The following SYT16 variants were observed in gnomAD, a reference collection of about 807,000 sequenced individuals.
SYT16 encodes the protein synaptotagmin 16.
In SYT16, 42 loss-of-function variants were observed where a neutral mutation model predicts 61.4. The observed-to-expected ratio is 0.68, with a 90% confidence interval of 0.53 to 0.89. The LOEUF (loss-of-function observed/expected upper bound fraction) is 0.89. Ranked by LOEUF, SYT16 falls within the 40% of genes least tolerant of loss-of-function variation. The pLI, the probability that SYT16 is intolerant of heterozygous loss-of-function variation, is 0.00. For missense variants in SYT16, 804 were observed against 807.3 expected (o/e 1.00, Z 0.05); for synonymous variants, 314 against 302.3 (o/e 1.04, Z -0.40).
chr14:61,830,238 T>C (rs937864840), intron 1 of SYT16, among the ~76,000 whole-genome samples: 1 of 152,198 alleles, frequency 6.6e-6, no homozygotes, highest in African/African-American at 2.4e-5. Context: ...CTGTAGATTG[T>C]CTTGTCTTTA....
At chr14:61,921,536 A>C (rs1228400022) in intron 1 of SYT16, among the ~76,000 whole-genome samples, 1 of 152,148 alleles carries the variant, frequency 6.6e-6, no homozygotes. Flanking sequence ...TGTCTGCCCT[A>C]TCTATGTATT....
At chr14:61,857,952 C>G (rs1050017944) in intron 1 of SYT16, among the ~76,000 whole-genome samples, 5 of 151,840 alleles carry the variant, frequency 3.3e-5, no homozygotes, top group African/African-American at 1.2e-4. Flanking sequence ...CAGACAGCAT[C>G]AGTGGATAAA....
chr14:61,912,652 A>G (rs1384779926), intron 1 of SYT16, among the ~76,000 whole-genome samples: 4 of 152,322 alleles, frequency 2.6e-5, no homozygotes, highest in Admixed American at 6.5e-5. Context: ...GAGAAGATGT[A>G]TATTGACTCA....
intron 2 of SYT16, among the ~76,000 whole-genome samples, chr14:61,980,020 A>G (rs1249333048): frequency 2.0e-5 from 3 of 152,346 alleles, no homozygotes; most frequent in Middle Eastern, 3.4e-3. Flanking sequence ...TATCTTCTAC[A>G]TTCCCCAAGC....
chr14:61,934,596 C>T lies in SYT16; in HGVS notation c.-324-35536C>T, dbSNP rs147694599. ...ATAAGGAGATGACTAAGTTATTTCA[C>T]CACATTGAGATTTTATTGTGGTGAC... On this transcript the variant is annotated intron_variant, in intron 1 of 7. Transcript: ENST00000683842. Among the ~76,000 whole-genome samples the T allele has an allele frequency of 5.9e-5, 9 of 152,282 alleles. No individual in the cohort carries two copies. The South Asian group carries it at 1.7e-3, about 28-fold the overall frequency.
chr14:61,857,642 G>T (rs2046817929), intron 1 of SYT16, among the ~76,000 whole-genome samples: 1 of 152,132 alleles, frequency 6.6e-6, no homozygotes, highest in East Asian at 1.9e-4. Context: ...GGGAGCAAGA[G>T]ATTTTCTTCT....
chr14:62,093,591 A>G (rs1193801614), intron 7 of SYT16, among the ~76,000 whole-genome samples: 1 of 152,122 alleles, frequency 6.6e-6, no homozygotes, highest in Non-Finnish European at 1.5e-5. Context: ...GGCTTAGCTC[A>G]GGAATGCAAG....
intron 3 of SYT16, among the ~76,000 whole-genome samples, chr14:62,031,741 A>G (rs1265307886): frequency 6.6e-6 from 1 of 152,170 alleles, no homozygotes; most frequent in Non-Finnish European, 1.5e-5. Context: ...AAATTAAAAC[A>G]TCTAGGTAAG....
At chr14:62,093,294 A>G (rs538737997) in intron 7 of SYT16, among the ~76,000 whole-genome samples, 11 of 152,254 alleles carry the variant, frequency 7.2e-5, no homozygotes, top group East Asian at 1.9e-4. Flanking sequence ...AATTCAATAG[A>G]AAGCAGAGAA....
intron 1 of SYT16, among the ~76,000 whole-genome samples, chr14:61,947,675 T>G (rs966961954): frequency 6.6e-6 from 1 of 152,210 alleles, no homozygotes; most frequent in Non-Finnish European, 1.5e-5. Flanking sequence ...GATTAAGGCA[T>G]CAGGAATATG....
intron 1 of SYT16, among the ~76,000 whole-genome samples, chr14:61,934,091 G>A (rs906860574): frequency 3.3e-5 from 5 of 152,008 alleles, no homozygotes; most frequent in Non-Finnish European, 7.4e-5. Flanking sequence ...TACTTTTTCT[G>A]TATAAACTTT....
rs1449062391 is a variant in SYT16 at position 62,100,514 on chromosome 14, C to G, written c.1745C>G (p.Ala582Gly). The G allele has an allele frequency of 6.2e-7, 1 of 1,613,604 alleles. No homozygotes were observed. The highest frequency in any genetic ancestry group is 8.5e-7 in the Non-Finnish European group (1 of 1,179,804). ...VYKETFVFQVALFQLSDVTLM... is the reference protein window; with the variant it reads ...VYKETFVFQVGLFQLSDVTLM... ...AAGGAGACCTTTGTTTTCCAGGTGG[C>G]CCTCTTTCAGCTGTCTGATGTCACG... The change falls in exon 8 of 8, where the codon GCC becomes GGC. Residue 582 changes from alanine (A) to glycine (G), a missense_variant. By Grantham distance (60) the Ala-to-Gly change is moderately conservative (BLOSUM62 0). Coordinates refer to ENST00000683842, the MANE Select transcript of SYT16 (RefSeq NM_001367656.1).
chr14:61,882,786 A>T (rs1273616627), intron 1 of SYT16, among the ~76,000 whole-genome samples: 3 of 152,236 alleles, frequency 2.0e-5, no homozygotes, highest in Non-Finnish European at 2.9e-5. Context: ...TACTTTCTAG[A>T]TACAATGGGA....
intron 1 of SYT16, among the ~76,000 whole-genome samples, chr14:61,950,381 A>G (rs1313708070): frequency 2.0e-5 from 3 of 152,166 alleles, no homozygotes; most frequent in African/African-American, 7.2e-5. Context: ...CATGCTTGCC[A>G]TATGGAGCCA....
intron 7 of SYT16, among the ~76,000 whole-genome samples, chr14:62,091,946 A>G (rs932684727): frequency 4.6e-5 from 7 of 152,270 alleles, no homozygotes; most frequent in African/African-American, 1.7e-4. Flanking sequence ...TGCAAATTAT[A>G]TATCTGATAA....
At chr14:61,869,205 GT>G (rs1363108618) in intron 1 of SYT16, among the ~76,000 whole-genome samples, 3 of 151,908 alleles carry the variant, frequency 2.0e-5, no homozygotes, top group Non-Finnish European at 4.4e-5. Flanking sequence ...ACATAGTTGA[GT>G]ATTGTCCTTT....
chr14:61,874,786 T>A (rs922004096), intron 1 of SYT16, among the ~76,000 whole-genome samples: 1 of 149,470 alleles, frequency 6.7e-6, no homozygotes, highest in South Asian at 2.1e-4. Context: ...TTTTTTTTTT[T>A]ACATGTTCTA....
chr14:61,932,851 T>G (rs2049831585), intron 1 of SYT16, among the ~76,000 whole-genome samples: 1 of 152,180 alleles, frequency 6.6e-6, no homozygotes, highest in South Asian at 2.1e-4. Context: ...GTCCCATAAA[T>G]GCCTGTTGAA....
chr14:62,030,788 T>C (rs1159205870), intron 3 of SYT16, among the ~76,000 whole-genome samples: 1 of 152,240 alleles, frequency 6.6e-6, no homozygotes, highest in East Asian at 1.9e-4. Flanking sequence ...TTTCAGACAG[T>C]GGCCTTTTGT....
Sources: allele counts gnomAD v4.1 joint callset (sites outside exome capture counted in the v4.1 genomes callset), GRCh38; gene constraint gnomAD v4.1.1; transcripts MANE v1.5; gene names NCBI Gene and HGNC (gene_info 2026-07-23, HGNC 2026-07-21).